Variants in CSMD2 observed in about 807,000 individuals in gnomAD.
CSMD2 encodes the protein CUB and sushi domain-containing protein 2.
CSMD2 carries 130 observed loss-of-function variants against 398.5 expected under a neutral mutation model. The ratio of observed to expected loss-of-function variants is 0.33; its 90% CI spans 0.28 to 0.38. The LOEUF (loss-of-function observed/expected upper bound fraction) is 0.38. Ranked by LOEUF, CSMD2 falls within the 10% of genes least tolerant of loss-of-function variation. The pLI is 1.00. For synonymous variants in CSMD2, 1,828 were observed against 1,908.5 expected (o/e 0.96, Z 1.10); for missense variants, 3,829 against 4,764.9 (o/e 0.80, Z 5.78).
chr1:33,532,911 A>T, intron 64 of CSMD2, 139 bp downstream of exon 64: 1 of 877,860 alleles, frequency 1.1e-6, no homozygotes, highest in Non-Finnish European at 1.7e-6. Flanking sequence ...TTCTAGACTC[A>T]AAACCTTAGA....
intron 3 of CSMD2, among the ~76,000 whole-genome samples, chr1:33,965,766 C>T (rs1318087842): frequency 1.3e-5 from 2 of 152,196 alleles, no homozygotes; most frequent in Non-Finnish European, 2.9e-5. Context: ...CATAGCAGAG[C>T]ATAATACCAT....
intron 57 of CSMD2, among the ~76,000 whole-genome samples, chr1:33,544,710 C>T (rs1460641416): frequency 6.6e-6 from 1 of 151,808 alleles, no homozygotes; most frequent in Non-Finnish European, 1.5e-5. Flanking sequence ...AGGGCATGGA[C>T]ATGCAGTTAG....
chr1:33,811,867 C>T (rs1363775102), intron 9 of CSMD2, among the ~76,000 whole-genome samples: 2 of 152,164 alleles, frequency 1.3e-5, no homozygotes, highest in Non-Finnish European at 2.9e-5. Flanking sequence ...GGCAATTTAT[C>T]CTAATTGTAG....
At chr1:33,707,046 C>A (rs928398768) in intron 22 of CSMD2, among the ~76,000 whole-genome samples, 1 of 152,122 alleles carries the variant, frequency 6.6e-6, no homozygotes, top group Non-Finnish European at 1.5e-5. Flanking sequence ...ACTGAGCTGC[C>A]CACCTGACCC....
In CSMD2 at chr1:34,038,259, G is replaced by A. The variant is rs560333354; in HGVS notation, c.405-5553C>T. ...AAGATTAAATACCATATTGAAAGGA[G>A]TGAGGTATCCTTCAATAGTGAAATC... is the stretch of plus-strand genomic sequence containing the variant. On this transcript the variant is annotated intron_variant, in intron 2 of 70. Transcript: ENST00000373381. Among the ~76,000 whole-genome samples, 3 of 152,306 alleles carry A rather than the reference G, an allele frequency of 2.0e-5. No individual in the cohort carries two copies. In the East Asian group the frequency reaches 5.8e-4, roughly 29 times the overall value.
chr1:33,871,221 A>G (rs905178143), intron 5 of CSMD2, among the ~76,000 whole-genome samples: 4 of 152,238 alleles, frequency 2.6e-5, no homozygotes, highest in African/African-American at 9.6e-5. Flanking sequence ...GGATAGTATC[A>G]TGACATATAC....
Position 33,625,354 on chromosome 1 carries a change from C to T in CSMD2, c.5297-100G>A. On this transcript the variant is annotated intron_variant, in intron 33 of 70. Coordinates refer to ENST00000373381, the MANE Select transcript of CSMD2 (RefSeq NM_001281956.2). ...TGGAACAAAGACCGTCTGGATGAAA[C>T]CCTGGGAGGCTCTGGATGCTCTCCC... The T allele has an allele frequency of 4.3e-6, 5 of 1,153,530 alleles. 1 individual carries two copies. In the South Asian group the frequency reaches 6.8e-5, roughly 16 times the overall value. 71.5% of individuals were successfully genotyped at this position (1,153,530 alleles called of 1,614,324 possible). A position where few individuals can be genotyped will look rare whatever the true frequency, so the allele number is the denominator to read the frequency against.
chr1:34,076,928 AATATATAT>A lies in CSMD2; in HGVS notation c.404+12041_404+12048del, dbSNP rs1177320523. On this transcript the variant is annotated intron_variant, in intron 2 of 70. Transcript: ENST00000373381. ...GCAAAGCAAAAAAAAAAAAAAAAAAAATATATATATATATATATATATATATATAGAAG... is the reference window on the plus strand; with the variant it reads ...GCAAAGCAAAAAAAAAAAAAAAAAAAATATATATATATATATATATAGAAG... Among the ~76,000 whole-genome samples, 100 of 53,572 alleles carry A rather than the reference AATATATAT, an allele frequency of 1.9e-3. 1 individual carries two copies. The highest frequency in any genetic ancestry group is 0.011 in the Middle Eastern group (1 of 88). 35.1% of individuals were successfully genotyped at this position (53,572 alleles called of 152,430 possible).
At chr1:33,878,792 A>G (rs1212478014) in intron 5 of CSMD2, among the ~76,000 whole-genome samples, 3 of 152,222 alleles carry the variant, frequency 2.0e-5, no homozygotes, top group Admixed American at 2.0e-4. Flanking sequence ...TCCAATTTCA[A>G]TCAAGGGAAC....
intron 64 of CSMD2, among the ~76,000 whole-genome samples, chr1:33,532,117 G>A (rs897034144): frequency 6.6e-6 from 1 of 152,154 alleles, no homozygotes; most frequent in African/African-American, 2.4e-5. Flanking sequence ...GACCCTGAAG[G>A]CTTCCCTCTG....
chr1:33,681,511 T>C (rs917329460), intron 25 of CSMD2, among the ~76,000 whole-genome samples: 1 of 152,194 alleles, frequency 6.6e-6, no homozygotes, highest in Non-Finnish European at 1.5e-5. Context: ...ATTGACAATA[T>C]AAGTAGGGAC....
chr1:33,663,023 C>G lies in CSMD2; in HGVS notation c.4122G>C (p.Glu1374Asp). 2 of 1,614,234 alleles carry G rather than the reference C, an allele frequency of 1.2e-6. No individual in the cohort carries two copies. The highest frequency in any genetic ancestry group is 1.7e-6 in the Non-Finnish European group (2 of 1,180,030). ...DVLRIWDGPV[E>D]SGVLLKELSG... The stretch of plus-strand genomic sequence containing the variant: ...TCAGCTCCTTCAGCAGAACCCCGCT[C>G]TCCACAGGCCCATCCCAGATGCGCA... Residue 1374 changes from glutamate to aspartate, a missense_variant, in exon 26 of 71, where the codon GAG becomes GAC. Physicochemically the swap from Glu to Asp is conservative, Grantham distance 45. This residue lies in a region of CSMD2 where 2,001 missense variants were observed against 2,567.1 expected (regional missense o/e 0.78). Transcript: ENST00000373381.
Position 33,624,247 on chromosome 1 carries a change from A to C in CSMD2, c.5625+272T>G. On this transcript the variant is annotated intron_variant, in intron 35 of 70. Coordinates refer to ENST00000373381, the MANE Select transcript of CSMD2 (RefSeq NM_001281956.2). The surrounding 1 kb of genome is among the most constrained non-coding windows in gnomAD (Gnocchi z 4.7). ...TCCTGGCCATGGCCAATCAATGCCC[A>C]CCTCTCCTCCTTCCTGGGTTACCCG... Among the ~76,000 whole-genome samples, 1 of 151,146 alleles carries C rather than the reference A, an allele frequency of 6.6e-6. No individual in the cohort carries two copies. Among genetic ancestry groups the C allele is most frequent in the Non-Finnish European group, 1.5e-5 (1 of 67,780 alleles).
chr1:34,067,251 A>G (rs562743115), intron 2 of CSMD2, among the ~76,000 whole-genome samples: 2 of 152,354 alleles, frequency 1.3e-5, no homozygotes, highest in South Asian at 2.1e-4. Context: ...ATCATTAGCC[A>G]TAAAAGTAGG....
intron 15 of CSMD2, among the ~76,000 whole-genome samples, chr1:33,733,808 TG>T (rs1188111266): frequency 2.0e-5 from 3 of 152,230 alleles, no homozygotes; most frequent in African/African-American, 7.2e-5. Flanking sequence ...CCCAGCAATG[TG>T]AAACTGTGAG....
In CSMD2 at chr1:33,913,923, A is replaced by G. The variant is rs1015877594; in HGVS notation, c.920+4171T>C. ...CTTCTCAGGGGGCTTCACTTTGCTGATTTTCTCAACCAATGGAGAGGTCAG... is the reference window on the plus strand; with the variant it reads ...CTTCTCAGGGGGCTTCACTTTGCTGGTTTTCTCAACCAATGGAGAGGTCAG... On this transcript the variant is annotated intron_variant, in intron 5 of 70. Transcript: ENST00000373381. 2.0e-5 allele frequency among the ~76,000 whole-genome samples: 3 copies of G among 151,868 alleles called. No individual in the cohort carries two copies. In the South Asian group the frequency reaches 6.3e-4, roughly 32 times the overall value.
chr1:33,600,285 G>A (rs943490226), intron 44 of CSMD2: 7 of 645,172 alleles, frequency 1.1e-5, no homozygotes, highest in African/African-American at 7.3e-5. Flanking sequence ...ATAGGCACAA[G>A]TCCACAGAGA....
At chr1:34,116,142 C>CAAAAGACAT (rs1661578646) in intron 1 of CSMD2, among the ~76,000 whole-genome samples, 1 of 151,962 alleles carries the variant, frequency 6.6e-6, no homozygotes, top group Non-Finnish European at 1.5e-5. Context: ...ACTCAGCAAT[C>CAAAAGACAT]AAAAGACATA....
At chr1:33,778,344 T>C (rs1333040531) in intron 12 of CSMD2, among the ~76,000 whole-genome samples, 1 of 152,134 alleles carries the variant, frequency 6.6e-6, no homozygotes, top group Non-Finnish European at 1.5e-5. Flanking sequence ...ATAGCAATGA[T>C]GCCCCTTGTA....
Sources: allele counts gnomAD v4.1 joint callset (sites outside exome capture counted in the v4.1 genomes callset), GRCh38; gene constraint gnomAD v4.1.1; regional missense constraint gnomAD v4.1.1; non-coding constraint Gnocchi (gnomAD v3.1); transcripts MANE v1.5; gene names NCBI Gene and HGNC (gene_info 2026-07-23, HGNC 2026-07-21).